The following STOX2 variants were observed in gnomAD, a reference collection of about 807,000 sequenced individuals.
STOX2 encodes the protein storkhead box 2, also known as storkhead-box protein 2.
STOX2 carries 28 observed loss-of-function variants against 60.9 expected under a neutral mutation model. That is an observed-to-expected ratio of 0.46 (90% CI 0.34 to 0.63). The LOEUF (loss-of-function observed/expected upper bound fraction) is 0.63. STOX2 is among the 30% of genes least tolerant of loss of function. STOX2 has a pLI of 0.01. For missense variants in STOX2, 1,024 were observed against 1,187.7 expected, an observed-to-expected ratio of 0.86 and a Z score of 2.03; for synonymous variants, 472 against 463.9, an observed-to-expected ratio of 1.02 and a Z score of -0.22.
chr4:183,822,260 T>G (rs924874480), intron 1 of STOX2, among the ~76,000 whole-genome samples: 1 of 152,220 alleles, frequency 6.6e-6, no homozygotes, highest in Non-Finnish European at 1.5e-5. Context: ...GATTGAGAAG[T>G]AACCCATTTA....
intron 2 of STOX2, among the ~76,000 whole-genome samples, chr4:184,006,931 G>C (rs1474969985): frequency 7.1e-6 from 1 of 140,990 alleles, no homozygotes; most frequent in Non-Finnish European, 1.5e-5. Context: ...CAGGAGAATG[G>C]CGTGAACCCA....
intron 1 of STOX2, among the ~76,000 whole-genome samples, chr4:183,895,998 G>A (rs961204062): frequency 1.3e-5 from 2 of 152,170 alleles, no homozygotes; most frequent in Admixed American, 6.5e-5. Flanking sequence ...CAGGATACAT[G>A]AGAGTTTCCA....
At chr4:183,883,568 G>A (rs1376801375) in intron 1 of STOX2, among the ~76,000 whole-genome samples, 1 of 152,044 alleles carries the variant, frequency 6.6e-6, no homozygotes, top group Non-Finnish European at 1.5e-5. Context: ...CACCCGTCTC[G>A]GCCTCCCAAA....
At chr4:184,006,805 A>G (rs1733859588) in intron 2 of STOX2, among the ~76,000 whole-genome samples, 1 of 151,364 alleles carries the variant, frequency 6.6e-6, no homozygotes, top group Non-Finnish European at 1.5e-5. Context: ...TCACGAGGTC[A>G]GCAGATCGAA....
chr4:183,939,654 G>A (rs1210990703), intron 1 of STOX2, among the ~76,000 whole-genome samples: 4 of 151,974 alleles, frequency 2.6e-5, no homozygotes, highest in African/African-American at 9.7e-5. Flanking sequence ...GTGCTCAAGT[G>A]GTTGCTGGAG....
Position 183,820,875 on chromosome 4 carries a change from C to T in STOX2, c.364+22820C>T, listed in dbSNP as rs768569751. Among the ~76,000 whole-genome samples the T allele has an allele frequency of 1.1e-4, 16 of 151,580 alleles. 1 individual carries two copies. The South Asian group carries it at 1.3e-3, about 12-fold the overall frequency. On this transcript the variant is annotated intron_variant, in intron 1 of 2. Coordinates refer to the STOX2 transcript ENST00000513034. ...CTATAGTCCCAGCACTGTGGTAGGC[C>T]GAGGTAGAAGGATCGCTTGAGCTCA... is the stretch of plus-strand genomic sequence containing the variant.
chr4:183,922,312 T>TA (rs553464235), intron 1 of STOX2, among the ~76,000 whole-genome samples: 52 of 146,288 alleles, frequency 3.6e-4, no homozygotes, highest in African/African-American at 8.8e-4. Context: ...CAAATTGTGG[T>TA]AAAAAAAAAA....
At chr4:183,885,171 G>A (rs769094183) in intron 1 of STOX2, among the ~76,000 whole-genome samples, 1 of 151,670 alleles carries the variant, frequency 6.6e-6, no homozygotes, top group Non-Finnish European at 1.5e-5. Context: ...GAGTATAGTC[G>A]CCCACCGCCC....
At chr4:183,884,292 G>T (rs1349332637) in intron 1 of STOX2, among the ~76,000 whole-genome samples, 1 of 139,430 alleles carries the variant, frequency 7.2e-6, no homozygotes, top group Non-Finnish European at 1.6e-5. Flanking sequence ...CATCTTTGTT[G>T]GTTGTCTCTA....
chr4:184,001,846 G>A lies in STOX2; in HGVS notation c.319+369G>A, dbSNP rs1733608674. Among the ~76,000 whole-genome samples the A allele has an allele frequency of 6.6e-6, 1 of 152,138 alleles. No individual in the cohort carries two copies. ...GTCCTAGGGAGTTAAACTACAGAAA[G>A]GGTCATGTCAAAAATTAACATATCT... On this transcript the variant is annotated intron_variant, in intron 2 of 3. Coordinates refer to ENST00000308497, the MANE Select transcript of STOX2 (RefSeq NM_020225.3). This position sits in a 1 kb window ranked among gnomAD's most constrained non-coding sequence, Gnocchi z 4.2.
intron 1 of STOX2, among the ~76,000 whole-genome samples, chr4:183,866,911 A>G (rs1051225905): frequency 3.3e-5 from 5 of 152,242 alleles, no homozygotes; most frequent in African/African-American, 1.2e-4. Context: ...AACAAAAAGA[A>G]CAATGTATTT....
At position 183,943,113 on chromosome 4, in the gene STOX2, G is replaced by A. The variant is rs375275849; in HGVS notation, c.166+36157G>A. Among the ~76,000 whole-genome samples, 13 of 152,300 alleles carry A rather than the reference G, an allele frequency of 8.5e-5. No individual in the cohort carries two copies. The East Asian group carries it at 1.4e-3, about 16-fold the overall frequency. ...ATTCAGATAAAAGTTTAGGCTGGAA[G>A]AGAACACTGACATAATTAAATATAT... On this transcript the variant is annotated intron_variant, in intron 1 of 3. Transcript: ENST00000308497.
chr4:184,006,684 T>TCA (rs1171548280), intron 2 of STOX2, among the ~76,000 whole-genome samples: 1 of 13,712 alleles, frequency 7.3e-5, no homozygotes, highest in Admixed American at 7.0e-4. Flanking sequence ...AGACCCTGTC[T>TCA]CAAAAAAAAA....
chr4:183,993,781 G>A (rs1733211720), intron 1 of STOX2, among the ~76,000 whole-genome samples: 1 of 152,114 alleles, frequency 6.6e-6, no homozygotes, highest in Non-Finnish European at 1.5e-5. Flanking sequence ...TCTTCTGAAT[G>A]TCAAATACAA....
At chr4:183,800,771 C>A (rs551615260) in intron 1 of STOX2, among the ~76,000 whole-genome samples, 9 of 152,190 alleles carry the variant, frequency 5.9e-5, no homozygotes, top group Non-Finnish European at 1.3e-4. Flanking sequence ...CTCTTAGATC[C>A]CACCATAGAG....
At chr4:183,924,662 G>A (rs904005596) in intron 1 of STOX2, among the ~76,000 whole-genome samples, 23 of 152,128 alleles carry the variant, frequency 1.5e-4, no homozygotes, top group African/African-American at 5.3e-4. Flanking sequence ...GAGGGAGATC[G>A]CCCTGGCTCA....
At chr4:183,834,055 T>C (rs1403103150) in intron 1 of STOX2, among the ~76,000 whole-genome samples, 1 of 151,930 alleles carries the variant, frequency 6.6e-6, no homozygotes, top group East Asian at 1.9e-4. Flanking sequence ...TTCTCCTCCT[T>C]AGAGCCAGCC....
rs556680432 is a variant in STOX2, at chr4:183,997,736, T to C, written c.167-3589T>C. On this transcript the variant is annotated intron_variant, in intron 1 of 3. Coordinates refer to ENST00000308497, the MANE Select transcript of STOX2 (RefSeq NM_020225.3). Reference sequence around the variant, plus strand: ...GAAAGGAGTTGAAAGTAATATATCTTAGTGCAGCACAAAAATGAGATGAGG... The same window carrying C: ...GAAAGGAGTTGAAAGTAATATATCTCAGTGCAGCACAAAAATGAGATGAGG... Among the ~76,000 whole-genome samples, 4 of 152,270 alleles carry C rather than the reference T, an allele frequency of 2.6e-5. No homozygotes were observed. The South Asian group carries it at 8.3e-4, about 32-fold the overall frequency.
At chr4:183,798,659 T>C in intron 1 of STOX2, 1 of 985,328 alleles carries the variant, frequency 1.0e-6, no homozygotes, top group Non-Finnish European at 1.2e-6. Context: ...TCTCAAGTCG[T>C]TTTGTGTGTC....
Sources: allele counts gnomAD v4.1 joint callset (sites outside exome capture counted in the v4.1 genomes callset), GRCh38; gene constraint gnomAD v4.1.1; non-coding constraint Gnocchi (gnomAD v3.1); transcripts MANE v1.5; gene names NCBI Gene and HGNC (gene_info 2026-07-23, HGNC 2026-07-21).